DRC11: variants seen among roughly 807,000 people sequenced by gnomAD.
DRC11 encodes IQ and AAA domain-containing protein 1.
the DRC11 span, among the ~76,000 whole-genome samples, chr2:236,402,871 T>C: frequency 3.3e-5 from 5 of 152,218 alleles, no homozygotes; most frequent in African/African-American, 1.2e-4. The surrounding 1 kb of genome is among the most constrained non-coding windows in gnomAD (Gnocchi z 6.0). Flanking sequence ...GGAGAATTCA[T>C]GAACGAAAGA....
chr2:236,331,309 G>A, the DRC11 span: 1 of 1,281,756 alleles, frequency 7.8e-7, no homozygotes. This position sits in a 1 kb window ranked among gnomAD's most constrained non-coding sequence, Gnocchi z 4.8. Context: ...GGAGGAGGCA[G>A]CGTGAGGAGT....
At chr2:236,311,117 C>T in the DRC11 span, among the ~76,000 whole-genome samples, 1 of 152,216 alleles carries the variant, frequency 6.6e-6, no homozygotes, top group Non-Finnish European at 1.5e-5. The surrounding 1 kb of genome is among the most constrained non-coding windows in gnomAD (Gnocchi z 6.9). Context: ...CAGGTCTCTG[C>T]ACAGCCCCCA....
chr2:236,489,266 G>A, the DRC11 span, among the ~76,000 whole-genome samples: 4 of 132,356 alleles, frequency 3.0e-5, no homozygotes, highest in African/African-American at 1.2e-4. Flanking sequence ...TGTGGGCTCT[G>A]GGTGCATACT....
At chr2:236,476,100 T>C in the DRC11 span, among the ~76,000 whole-genome samples, 1 of 152,254 alleles carries the variant, frequency 6.6e-6, no homozygotes, top group African/African-American at 2.4e-5. The surrounding 1 kb of genome is among the most constrained non-coding windows in gnomAD (Gnocchi z 4.7). Context: ...TTTTTTTCTA[T>C]TTTTGTGAAG....
the DRC11 span, among the ~76,000 whole-genome samples, chr2:236,392,793 C>T: frequency 6.6e-6 from 1 of 152,056 alleles, no homozygotes; most frequent in Non-Finnish European, 1.5e-5. The surrounding 1 kb of genome is among the most constrained non-coding windows in gnomAD (Gnocchi z 5.1). Context: ...AGGAATTATC[C>T]CTTGCCTCCT....
chr2:236,405,694 C>T, the DRC11 span, among the ~76,000 whole-genome samples: 1 of 152,150 alleles, frequency 6.6e-6, no homozygotes, highest in Admixed American at 6.6e-5. This position sits in a 1 kb window ranked among gnomAD's most constrained non-coding sequence, Gnocchi z 4.6. Context: ...TAGTAGTCCT[C>T]CTTTCTCCAA....
At chr2:236,341,721 TCCC>T in the DRC11 span, among the ~76,000 whole-genome samples, 1 of 152,132 alleles carries the variant, frequency 6.6e-6, no homozygotes, top group African/African-American at 2.4e-5. Context: ...GCTGGTGGTT[TCCC>T]CCCCATGTCT....
chr2:236,368,483 T>G, the DRC11 span: 2 of 568,842 alleles, frequency 3.5e-6, no homozygotes, highest in Non-Finnish European at 6.3e-6. Context: ...GAAGAAAAGC[T>G]ATCCAGGCAA....
At chr2:236,313,771 A>T in the DRC11 span, among the ~76,000 whole-genome samples, 283 of 152,348 alleles carry the variant, frequency 1.9e-3, 1 homozygote, top group Admixed American at 2.9e-3. The surrounding 1 kb of genome is among the most constrained non-coding windows in gnomAD (Gnocchi z 4.5). Context: ...CATGGGACTT[A>T]TTCCCATGGA....
chr2:236,435,703 A>C, the DRC11 span, among the ~76,000 whole-genome samples: 44 of 152,188 alleles, frequency 2.9e-4, no homozygotes, highest in Non-Finnish European at 6.2e-4. Context: ...AAACCACCCC[A>C]ATCAGGTCTC....
the DRC11 span, among the ~76,000 whole-genome samples, chr2:236,309,278 T>C: frequency 1.3e-5 from 2 of 152,338 alleles, no homozygotes; most frequent in African/African-American, 4.8e-5. This position sits in a 1 kb window ranked among gnomAD's most constrained non-coding sequence, Gnocchi z 5.7. Context: ...CGATAGCTAC[T>C]GGAGCCTTGC....
the DRC11 span, among the ~76,000 whole-genome samples, chr2:236,402,520 C>A: frequency 6.6e-6 from 1 of 152,268 alleles, no homozygotes. The surrounding 1 kb of genome is among the most constrained non-coding windows in gnomAD (Gnocchi z 6.0). Flanking sequence ...CCGGGGTGCT[C>A]GGGAGAGGAC....
At chr2:236,380,392 G>T in the DRC11 span, among the ~76,000 whole-genome samples, 5 of 152,190 alleles carry the variant, frequency 3.3e-5, no homozygotes, top group Non-Finnish European at 7.3e-5. The surrounding 1 kb of genome is among the most constrained non-coding windows in gnomAD (Gnocchi z 4.9). Flanking sequence ...TGCCTTCTGG[G>T]CCACCCAGGC....
chr2:236,342,883 G>A, the DRC11 span, among the ~76,000 whole-genome samples: 2 of 152,098 alleles, frequency 1.3e-5, no homozygotes, highest in Non-Finnish European at 2.9e-5. The surrounding 1 kb of genome is among the most constrained non-coding windows in gnomAD (Gnocchi z 5.8). Flanking sequence ...GGTCCTCAGT[G>A]CAGTTGACCT....
chr2:236,370,308 A>C, the DRC11 span, among the ~76,000 whole-genome samples: 3 of 152,212 alleles, frequency 2.0e-5, no homozygotes, highest in African/African-American at 7.2e-5. This position sits in a 1 kb window ranked among gnomAD's most constrained non-coding sequence, Gnocchi z 5.5. Context: ...CTTAATGTTT[A>C]CAGCGATTTA....
the DRC11 span, among the ~76,000 whole-genome samples, chr2:236,347,993 C>T: frequency 1.3e-5 from 2 of 152,138 alleles, no homozygotes; most frequent in Admixed American, 6.5e-5. Context: ...AACACCAAGC[C>T]GGGCGCTTTG....
the DRC11 span, among the ~76,000 whole-genome samples, chr2:236,405,934 A>G: frequency 6.6e-6 from 1 of 152,214 alleles, no homozygotes; most frequent in African/African-American, 2.4e-5. The surrounding 1 kb of genome is among the most constrained non-coding windows in gnomAD (Gnocchi z 4.6). Flanking sequence ...TTTCCATTTA[A>G]TACTTATGGG....
the DRC11 span, among the ~76,000 whole-genome samples, chr2:236,398,306 A>T: frequency 6.6e-6 from 1 of 152,196 alleles, no homozygotes. The surrounding 1 kb of genome is among the most constrained non-coding windows in gnomAD (Gnocchi z 6.2). Flanking sequence ...CACTAGTGGT[A>T]TGTAAGAGAA....
At chr2:236,358,476 T>TCATTTAC in the DRC11 span, among the ~76,000 whole-genome samples, 1 of 143,652 alleles carries the variant, frequency 7.0e-6, no homozygotes, top group Admixed American at 7.0e-5. Context: ...TTGATAAATA[T>TCATTTAC]TTGACAAATG....
Sources: allele counts gnomAD v4.1 joint callset (sites outside exome capture counted in the v4.1 genomes callset), GRCh38; gene constraint gnomAD v4.1.1; non-coding constraint Gnocchi (gnomAD v3.1); transcripts MANE v1.5; gene names NCBI Gene and HGNC (gene_info 2026-07-23, HGNC 2026-07-21).